CMKLR2: variants seen among roughly 807,000 people sequenced by gnomAD.
CMKLR2 encodes chemerin chemokine-like receptor 2.
Under a neutral mutation model 23.0 loss-of-function variants are expected in CMKLR2, and 18 were observed. That is an observed-to-expected ratio of 0.78 (90% CI 0.54 to 1.16). The LOEUF (loss-of-function observed/expected upper bound fraction) is 1.16, where lower values mean the gene tolerates loss of function less well. CMKLR2 is among the 50% of genes most tolerant of loss of function. The pLI, the probability that CMKLR2 is intolerant of heterozygous loss-of-function variation, is 0.00. For synonymous variants in CMKLR2, 158 were observed against 158.9 expected (o/e 0.99, Z 0.05); for missense variants, 401 against 412.7 (o/e 0.97, Z 0.25).
chr2:206,179,302 C>T (rs1054675166), intron 1 of CMKLR2, among the ~76,000 whole-genome samples: 93 of 149,720 alleles, frequency 6.2e-4, no homozygotes, highest in Admixed American at 1.3e-3. Flanking sequence ...CTCGAACTCC[C>T]GACTTCCGGT....
chr2:206,195,771 A>T (rs904907343), intron 1 of CMKLR2, among the ~76,000 whole-genome samples: 17 of 151,392 alleles, frequency 1.1e-4, no homozygotes, highest in African/African-American at 3.9e-4. Context: ...CCTGACCAAC[A>T]TAGGGAAACT....
intron 1 of CMKLR2, among the ~76,000 whole-genome samples, chr2:206,185,541 A>G (rs1162046864): frequency 1.3e-5 from 2 of 152,246 alleles, no homozygotes; most frequent in African/African-American, 2.4e-5. Context: ...GTTACATCAT[A>G]TAGATGCTTT....
chr2:206,199,597 T>C (rs1689027150), intron 1 of CMKLR2, among the ~76,000 whole-genome samples: 1 of 151,970 alleles, frequency 6.6e-6, no homozygotes, highest in Admixed American at 6.6e-5. Context: ...TACGGCATTT[T>C]TTTTTTTTTC....
Position 206,212,451 on chromosome 2 carries a change from C to A in CMKLR2, c.-29+856G>T, listed in dbSNP as rs59802919. Among the ~76,000 whole-genome samples, 850 of 150,964 alleles carry A rather than the reference C, an allele frequency of 5.6e-3. 2 individuals are homozygous for A. The highest frequency in any genetic ancestry group is 0.019 in the African/African-American group (792 of 41,070). On this transcript the variant is annotated intron_variant, in intron 1 of 1. Coordinates refer to ENST00000621141, the MANE Select transcript of CMKLR2 (RefSeq NM_001389445.1). ...TAATTTAACAACAGGTTTGTGGATT[C>A]TTGGGTGAATGAGTCTGCCTTAAGT...
chr2:206,216,395 A>G (rs1689754585), upstream of CMKLR2, among the ~76,000 whole-genome samples: 1 of 152,190 alleles, frequency 6.6e-6, no homozygotes, highest in Non-Finnish European at 1.5e-5. Context: ...TGGAGGTTGC[A>G]GTGAGCCAAG....
chr2:206,206,034 C>T (rs1025968796), intron 1 of CMKLR2, among the ~76,000 whole-genome samples: 1 of 152,140 alleles, frequency 6.6e-6, no homozygotes, highest in Non-Finnish European at 1.5e-5. Context: ...ACAAGACAAG[C>T]AGTTTTCAGT....
At chr2:206,216,646 G>A (rs1406928478), upstream of CMKLR2, among the ~76,000 whole-genome samples, 1 of 152,140 alleles carries the variant, frequency 6.6e-6, no homozygotes, top group Non-Finnish European at 1.5e-5. Context: ...GCTCAGAGAT[G>A]GAAGATACAC....
intron 1 of CMKLR2, among the ~76,000 whole-genome samples, chr2:206,187,076 G>A (rs1326381428): frequency 1.3e-5 from 2 of 152,156 alleles, no homozygotes; most frequent in East Asian, 1.9e-4. Context: ...GCCAGGCCCA[G>A]TAGCTCATGC....
intron 1 of CMKLR2, among the ~76,000 whole-genome samples, chr2:206,177,479 C>T (rs2105797897): frequency 6.6e-6 from 1 of 152,208 alleles, no homozygotes; most frequent in South Asian, 2.1e-4. Context: ...GCCTTGACCT[C>T]CTAGGCTCAA....
At chr2:206,199,497 A>G (rs1012435972) in intron 1 of CMKLR2, among the ~76,000 whole-genome samples, 1 of 152,164 alleles carries the variant, frequency 6.6e-6, no homozygotes, top group African/African-American at 2.4e-5. Context: ...AGGGAAGGGA[A>G]AAGATCCTGG....
chr2:206,181,223 A>G (rs112958777), intron 1 of CMKLR2, among the ~76,000 whole-genome samples: 15,546 of 151,764 alleles, frequency 0.1, 937 homozygotes, highest in Admixed American at 0.2. Context: ...ATGCTGGCTA[A>G]TTTTTGTATT....
At chr2:206,215,404 T>G (rs1308614965), upstream of CMKLR2, among the ~76,000 whole-genome samples, 4 of 152,328 alleles carry the variant, frequency 2.6e-5, no homozygotes, top group East Asian at 7.7e-4. Flanking sequence ...TTACTTTACA[T>G]GAGTTTATTT....
intron 1 of CMKLR2, among the ~76,000 whole-genome samples, chr2:206,187,888 G>A (rs1363784103): frequency 6.6e-6 from 1 of 151,964 alleles, no homozygotes; most frequent in Non-Finnish European, 1.5e-5. Context: ...GATAGTAGGT[G>A]GATATTAGGT....
At chr2:206,194,952 T>G (rs1427835149) in intron 1 of CMKLR2, among the ~76,000 whole-genome samples, 2 of 149,534 alleles carry the variant, frequency 1.3e-5, no homozygotes, top group East Asian at 4.0e-4. Context: ...GACACGGAGT[T>G]TCACTGTGTT....
chr2:206,200,660 T>G (rs1458849946), intron 1 of CMKLR2, among the ~76,000 whole-genome samples: 1 of 152,180 alleles, frequency 6.6e-6, no homozygotes, highest in Non-Finnish European at 1.5e-5. Context: ...GATGGGATCT[T>G]GCTATGTTGC....
intron 1 of CMKLR2, among the ~76,000 whole-genome samples, chr2:206,181,127 G>A (rs1404926952): frequency 6.6e-6 from 1 of 151,030 alleles, no homozygotes; most frequent in Admixed American, 6.6e-5. Context: ...GTGCGATCTC[G>A]GCTCACTGCA....
intron 1 of CMKLR2, among the ~76,000 whole-genome samples, chr2:206,202,007 A>C (rs1404728348): frequency 6.6e-6 from 1 of 152,212 alleles, no homozygotes. Flanking sequence ...GCTCAATGTA[A>C]GGCAGAATTT....
chr2:206,183,809 C>A (rs1688490219), intron 1 of CMKLR2, among the ~76,000 whole-genome samples: 1 of 152,202 alleles, frequency 6.6e-6, no homozygotes, highest in Non-Finnish European at 1.5e-5. Context: ...TGAAGACATA[C>A]TCTTGTTTAC....
intron 1 of CMKLR2, among the ~76,000 whole-genome samples, chr2:206,197,841 C>A (rs914055002): frequency 1.3e-5 from 2 of 152,146 alleles, no homozygotes; most frequent in African/African-American, 4.8e-5. Flanking sequence ...GTCTCACTTT[C>A]TTTTTGTAGT....
Sources: gnomAD v4.1 joint callset for allele counts (sites outside exome capture counted in the v4.1 genomes callset) on GRCh38, gnomAD v4.1.1 for gene constraint, MANE v1.5 for transcripts, NCBI Gene and HGNC (gene_info 2026-07-23, HGNC 2026-07-21) for gene names.